PRKD1: variants seen among roughly 807,000 people sequenced by gnomAD.
PRKD1 encodes the protein serine/threonine-protein kinase D1.
PRKD1 carries 63 observed loss-of-function variants against 95.9 expected under a neutral mutation model. The observed-to-expected ratio is 0.66, with a 90% CI of 0.54 to 0.81. The LOEUF is 0.81. Ranked by LOEUF, PRKD1 falls within the 30% of genes least tolerant of loss-of-function variation. The pLI, the probability that PRKD1 is intolerant of heterozygous loss-of-function variation, is 0.00. For missense variants in PRKD1, 1,048 were observed against 1,165.3 expected (o/e 0.90, Z 1.47); for synonymous variants, 425 against 423.1 (o/e 1.00, Z -0.05).
At chr14:29,696,038 T>C (rs796719451) in intron 2 of PRKD1, among the ~76,000 whole-genome samples, 3 of 152,178 alleles carry the variant, frequency 2.0e-5, no homozygotes, top group African/African-American at 7.2e-5. Flanking sequence ...AGTGAGTGAG[T>C]CTTACATTAG....
intron 2 of PRKD1, among the ~76,000 whole-genome samples, chr14:29,714,759 C>A (rs1885513731): frequency 6.6e-6 from 1 of 152,180 alleles, no homozygotes; most frequent in South Asian, 2.1e-4. Flanking sequence ...ACATATACAT[C>A]ATGGAATACC....
chr14:29,832,364 AGTTT>A (rs995004986), intron 1 of PRKD1, among the ~76,000 whole-genome samples: 14 of 152,194 alleles, frequency 9.2e-5, no homozygotes, highest in African/African-American at 3.4e-4. Flanking sequence ...TCTTTAAATT[AGTTT>A]ATCATGCATG....
Position 29,846,644 on chromosome 14 carries a change from G to A in PRKD1, c.264+80605C>T, listed in dbSNP as rs759444618. ...GAAGCCATGCAGAAGGTTTATAGCA[G>A]AGCAGGAACATGATGGGCTCACTTT... On this transcript the variant is annotated intron_variant, in intron 1 of 17. Transcript: ENST00000331968. Among the ~76,000 whole-genome samples, 3 of 152,184 alleles carry A rather than the reference G, an allele frequency of 2.0e-5. No individual in the cohort carries two copies. The South Asian group carries it at 6.2e-4, about 32-fold the overall frequency.
intron 16 of PRKD1, among the ~76,000 whole-genome samples, chr14:29,587,825 T>C (rs1892989000): frequency 6.6e-6 from 1 of 152,226 alleles, no homozygotes; most frequent in Admixed American, 6.5e-5. Context: ...AAATATTCTT[T>C]TATTAAAATT....
chr14:29,898,715 G>A (rs1958984), intron 1 of PRKD1, among the ~76,000 whole-genome samples: 9,882 of 152,146 alleles, frequency 0.065, 392 homozygotes, highest in South Asian at 0.11. Flanking sequence ...AGCTGGTTGC[G>A]AATTTGACTA....
intron 1 of PRKD1, among the ~76,000 whole-genome samples, chr14:29,871,010 G>A (rs1051700681): frequency 6.6e-6 from 1 of 152,146 alleles, no homozygotes; most frequent in Admixed American, 6.6e-5. Context: ...AACACTTAGA[G>A]GTGCTAATAT....
chr14:29,841,647 A>C (rs1566631004), intron 1 of PRKD1, among the ~76,000 whole-genome samples: 1 of 152,246 alleles, frequency 6.6e-6, no homozygotes, highest in East Asian at 1.9e-4. Context: ...GGGAACTATA[A>C]GTCCATTAAA....
intron 10 of PRKD1, 24 bp from the exon 11 acceptor site, chr14:29,629,117 T>C: frequency 1.3e-6 from 2 of 1,594,262 alleles, no homozygotes; most frequent in Non-Finnish European, 1.7e-6. Context: ...TAAAACAATA[T>C]GCACACAAAA....
intron 4 of PRKD1, 89 bp from the exon 5 acceptor site, chr14:29,638,993 G>T: frequency 1.0e-6 from 1 of 966,164 alleles, no homozygotes; most frequent in Non-Finnish European, 1.5e-6. Flanking sequence ...GTTTACTCTT[G>T]TATTTAGTAC....
intron 1 of PRKD1, among the ~76,000 whole-genome samples, chr14:29,814,196 GTT>G (rs1164519109): frequency 6.6e-6 from 1 of 152,148 alleles, no homozygotes; most frequent in Non-Finnish European, 1.5e-5. Flanking sequence ...AAATAAAACA[GTT>G]ATTTTGCTCA....
chr14:29,792,538 C>T (rs1197507373), intron 1 of PRKD1, among the ~76,000 whole-genome samples: 1 of 152,042 alleles, frequency 6.6e-6, no homozygotes, highest in East Asian at 1.9e-4. Flanking sequence ...CAAAGCTTGG[C>T]ACAATTTGTG....
rs1894600171 is a variant in PRKD1, at chr14:29,909,033, C to T, written c.264+18216G>A. Among the ~76,000 whole-genome samples the T allele has an allele frequency of 2.6e-5, 4 of 152,188 alleles. No homozygotes were observed. The South Asian group carries it at 6.2e-4, about 24-fold the overall frequency. ...GCGGGAACCAGGGCTGCGAGTGGCG[C>T]TCACGGGTCAGCATGAGTTCCGGGT... On this transcript the variant is annotated intron_variant, in intron 1 of 17. Transcript: ENST00000331968.
intron 1 of PRKD1, among the ~76,000 whole-genome samples, chr14:29,733,908 G>C (rs1886580519): frequency 6.6e-6 from 1 of 151,400 alleles, no homozygotes; most frequent in African/African-American, 2.4e-5. Flanking sequence ...TCTCTCCTAA[G>C]TATGTTCATG....
chr14:29,814,861 A>G (rs927171517), intron 1 of PRKD1, among the ~76,000 whole-genome samples: 1 of 152,222 alleles, frequency 6.6e-6, no homozygotes, highest in Non-Finnish European at 1.5e-5. Context: ...TTTAATGACT[A>G]AGCAAAATAT....
chr14:29,836,440 G>C (rs1246327111), intron 1 of PRKD1, among the ~76,000 whole-genome samples: 8 of 152,172 alleles, frequency 5.3e-5, no homozygotes, highest in Non-Finnish European at 1.5e-5. Flanking sequence ...GAACTATTTA[G>C]TCACGTTGTA....
Position 29,641,933 on chromosome 14 carries a change from C to T in PRKD1, c.697-3029G>A, listed in dbSNP as rs934841549. Among the ~76,000 whole-genome samples, 11 of 89,640 alleles carry T rather than the reference C, an allele frequency of 1.2e-4. No individual in the cohort carries two copies. In the East Asian group the frequency reaches 2.6e-3, roughly 21 times the overall value. 58.8% of individuals were successfully genotyped at this position (89,640 alleles called of 152,430 possible). On this transcript the variant is annotated intron_variant, in intron 4 of 17. Transcript: ENST00000331968. ...TTTTTTTTTTTTTGAGATGGAGTTT[C>T]GCTCTTGTTGCCCAGGCTGCAGTGC...
intron 1 of PRKD1, among the ~76,000 whole-genome samples, chr14:29,731,925 T>C (rs572267338): frequency 1.9e-4 from 29 of 151,626 alleles, no homozygotes; most frequent in Non-Finnish European, 3.5e-4. Flanking sequence ...CCAGGCTGGA[T>C]TGCAATGGTA....
chr14:29,901,587 A>C (rs1296452537), intron 1 of PRKD1, among the ~76,000 whole-genome samples: 1 of 152,156 alleles, frequency 6.6e-6, no homozygotes, highest in Non-Finnish European at 1.5e-5. Context: ...AAAATAAAAA[A>C]GATACAGCAT....
intron 1 of PRKD1, among the ~76,000 whole-genome samples, chr14:29,860,140 G>T (rs187764037): frequency 2.6e-5 from 4 of 152,326 alleles, no homozygotes. Flanking sequence ...GAATAAATGT[G>T]CCACATCTAC....
Sources: gnomAD v4.1 joint callset for allele counts (sites outside exome capture counted in the v4.1 genomes callset) on GRCh38, gnomAD v4.1.1 for gene constraint, MANE v1.5 for transcripts, NCBI Gene and HGNC (gene_info 2026-07-23, HGNC 2026-07-21) for gene names.